AKT3: variants seen among roughly 807,000 people sequenced by gnomAD.
The protein encoded by AKT3 is RAC-gamma serine/threonine-protein kinase.
AKT3 carries 15 observed loss-of-function variants against 65.3 expected under a neutral mutation model. The ratio of observed to expected loss-of-function variants is 0.23; its 90% CI spans 0.15 to 0.35. The LOEUF is 0.35. Ranked by LOEUF, AKT3 falls within the 10% of genes least tolerant of loss-of-function variation. AKT3 has a pLI of 1.00. For missense variants in AKT3, 243 were observed against 576.5 expected (o/e 0.42, Z 5.92); for synonymous variants, 206 against 183.8 (o/e 1.12, Z -0.98).
intron 3 of AKT3, among the ~76,000 whole-genome samples, chr1:243,692,575 A>G (rs541865445): frequency 7.9e-5 from 12 of 151,860 alleles, no homozygotes; most frequent in Admixed American, 3.3e-4. Flanking sequence ...TCTACTAAAA[A>G]AAAAATACAA....
At chr1:243,543,070 G>A (rs1672426527) in intron 12 of AKT3, among the ~76,000 whole-genome samples, 1 of 152,038 alleles carries the variant, frequency 6.6e-6, no homozygotes, top group Admixed American at 6.5e-5. Context: ...ATAACAACTT[G>A]AACGAATTTA....
chr1:243,556,460 C>T (rs1484452137), intron 10 of AKT3, among the ~76,000 whole-genome samples: 2 of 151,924 alleles, frequency 1.3e-5, no homozygotes, highest in Non-Finnish European at 2.9e-5. Context: ...GTTAAAGGGA[C>T]CCCTCTCTCA....
In AKT3 at chr1:243,641,705, C is replaced by T. The variant is rs559309588; in HGVS notation, c.430-3963G>A. Among the ~76,000 whole-genome samples the T allele has an allele frequency of 2.0e-5, 3 of 152,166 alleles. No homozygotes were observed. In the East Asian group the frequency reaches 5.8e-4, roughly 29 times the overall value. ...AATCCCACAATTTGAAAGACCAAGG[C>T]AGGTGGATCACTTGAGTGCATGAGT... On this transcript the variant is annotated intron_variant, in intron 5 of 13. Transcript: ENST00000673466.
At chr1:243,790,161 T>C (rs1193826259) in intron 2 of AKT3, among the ~76,000 whole-genome samples, 3 of 152,330 alleles carry the variant, frequency 2.0e-5, no homozygotes, top group Non-Finnish European at 4.4e-5. Flanking sequence ...TTTGAAGCTT[T>C]GAAGGCAGGC....
intron 2 of AKT3, among the ~76,000 whole-genome samples, chr1:243,822,513 A>G (rs181022796): frequency 9.2e-5 from 14 of 152,068 alleles, no homozygotes; most frequent in Non-Finnish European, 1.9e-4. Flanking sequence ...TAAAAAATTA[A>G]TAAAATAGCT....
At chr1:243,683,680 G>A (rs1227329224) in intron 3 of AKT3, among the ~76,000 whole-genome samples, 2 of 152,090 alleles carry the variant, frequency 1.3e-5, no homozygotes, top group Non-Finnish European at 2.9e-5. Context: ...CAGATACAGA[G>A]GAAAGGAAAG....
exon 14 of AKT3, chr1:243,488,251 T>C (rs527715840): frequency 1.5e-4 from 23 of 152,514 alleles, no homozygotes; most frequent in African/African-American, 5.5e-4. Context: ...GAGTTTGAAA[T>C]GCACCTTGAG....
chr1:243,810,118 G>A (rs1366288970), intron 2 of AKT3, among the ~76,000 whole-genome samples: 1 of 152,136 alleles, frequency 6.6e-6, no homozygotes, highest in African/African-American at 2.4e-5. Flanking sequence ...AAAAGAACTA[G>A]AGAAGCAAGA....
chr1:243,504,574 C>T lies in AKT3; in HGVS notation c.*675G>A, dbSNP rs1048672880. ...TTGCTCATGATTGCCCGTGAAGTCT[C>T]GACATCCACATGTGATATGGGCTTC... On this transcript the variant is annotated 3_prime_UTR_variant, in exon 14 of 14. Transcript: ENST00000673466. 2.7e-5 allele frequency: 5 copies of T among 183,818 alleles called. No homozygotes were observed. Among genetic ancestry groups the T allele is most frequent in the Non-Finnish European group, 4.6e-5 (4 of 86,736 alleles). The allele number at this position is 183,818 out of a possible 1,614,324, so 11.4% of individuals were successfully genotyped here. A position where few individuals can be genotyped will look rare whatever the true frequency, so the allele number is the denominator to read the frequency against.
At chr1:243,641,271 T>C (rs1377460154) in intron 5 of AKT3, among the ~76,000 whole-genome samples, 6 of 148,372 alleles carry the variant, frequency 4.0e-5, no homozygotes, top group South Asian at 2.1e-4. Flanking sequence ...TATATATATA[T>C]ATACACACAC....
intron 2 of AKT3, among the ~76,000 whole-genome samples, chr1:243,732,262 A>C (rs1189108541): frequency 2.0e-5 from 3 of 152,170 alleles, no homozygotes; most frequent in African/African-American, 7.2e-5. Context: ...TCCCCAGACC[A>C]GTCACACAAG....
intron 8 of AKT3, among the ~76,000 whole-genome samples, chr1:243,612,106 T>A (rs1473147804): frequency 6.6e-6 from 1 of 152,044 alleles, no homozygotes; most frequent in Non-Finnish European, 1.5e-5. Context: ...GTTTTGGGTT[T>A]TGATTTTTTT....
chr1:243,710,721 T>C (rs542844062), intron 2 of AKT3, among the ~76,000 whole-genome samples: 1 of 152,218 alleles, frequency 6.6e-6, no homozygotes, highest in South Asian at 2.1e-4. Flanking sequence ...GACTTCCTCA[T>C]GTCGACCAAA....
rs77513674 is a variant in AKT3, at chr1:243,658,099, T to C, written c.284+6673A>G. 4.2e-3 allele frequency among the ~76,000 whole-genome samples: 638 copies of C among 152,188 alleles called. 5 individuals are homozygous for C. Among genetic ancestry groups the C allele is most frequent in the African/African-American group, 0.015 (613 of 41,540 alleles). On this transcript the variant is annotated intron_variant, in intron 4 of 13. Coordinates refer to ENST00000673466, the MANE Select transcript of AKT3 (RefSeq NM_005465.7). ...TTCTTGATGCTGACAAAAGCAGTAATAGATGAGTAGAAGTATATCAAAATA... is the reference window on the plus strand; with the variant it reads ...TTCTTGATGCTGACAAAAGCAGTAACAGATGAGTAGAAGTATATCAAAATA...
At chr1:243,716,982 T>C (rs1454633012) in intron 2 of AKT3, among the ~76,000 whole-genome samples, 2 of 152,232 alleles carry the variant, frequency 1.3e-5, no homozygotes, top group African/African-American at 4.8e-5. Context: ...CTTTCTTTTA[T>C]CTTCTTCAGG....
At chr1:243,826,213 G>A (rs1015439712) in intron 2 of AKT3, among the ~76,000 whole-genome samples, 5 of 152,064 alleles carry the variant, frequency 3.3e-5, no homozygotes, top group Admixed American at 1.3e-4. Context: ...AATAATACCC[G>A]ACAAGAGTAA....
At chr1:243,643,969 C>T (rs1310969587) in intron 5 of AKT3, among the ~76,000 whole-genome samples, 1 of 152,136 alleles carries the variant, frequency 6.6e-6, no homozygotes, top group African/African-American at 2.4e-5. Context: ...GAGGCTAAGT[C>T]ATTAGGACCG....
At chr1:243,764,429 C>T (rs1463022758) in intron 2 of AKT3, among the ~76,000 whole-genome samples, 1 of 151,980 alleles carries the variant, frequency 6.6e-6, no homozygotes, top group Non-Finnish European at 1.5e-5. Context: ...CTCAGTGAAA[C>T]ACTGTGTACT....
At chr1:243,601,421 T>C (rs1180298387) in intron 8 of AKT3, among the ~76,000 whole-genome samples, 1 of 152,068 alleles carries the variant, frequency 6.6e-6, no homozygotes, top group Non-Finnish European at 1.5e-5. Flanking sequence ...ATGAGTAAAA[T>C]TTAAAAAGAC....
Sources: gnomAD v4.1 joint callset for allele counts (sites outside exome capture counted in the v4.1 genomes callset) on GRCh38, gnomAD v4.1.1 for gene constraint, MANE v1.5 for transcripts, NCBI Gene and HGNC (gene_info 2026-07-23, HGNC 2026-07-21) for gene names.